The following LTBP1 variants were observed in gnomAD, a reference collection of about 807,000 sequenced individuals.
LTBP1 encodes latent-transforming growth factor beta-binding protein 1.
In LTBP1, 129 loss-of-function variants were observed where a neutral mutation model predicts 207.6. The observed-to-expected ratio is 0.62, with a 90% confidence interval of 0.54 to 0.72. The LOEUF is 0.72. Among genes scored for constraint, LTBP1 ranks in the 30% least tolerant of loss-of-function variants. The pLI is 0.00. For synonymous variants in LTBP1, 963 were observed against 833.7 expected, an observed-to-expected ratio of 1.16 and a Z score of -2.67; for missense variants, 2,281 against 2,217.2, an observed-to-expected ratio of 1.03 and a Z score of -0.58.
intron 10 of LTBP1, among the ~76,000 whole-genome samples, chr2:33,246,557 C>A (rs2092519744): frequency 6.6e-6 from 1 of 152,034 alleles, no homozygotes; most frequent in Non-Finnish European, 1.5e-5. Context: ...AGAGAGAAAA[C>A]CAGCCAGGGA....
chr2:32,974,862 G>A (rs1248037888), intron 2 of LTBP1, among the ~76,000 whole-genome samples: 5 of 152,216 alleles, frequency 3.3e-5, no homozygotes, highest in South Asian at 2.1e-4. Flanking sequence ...TAACTGAGAC[G>A]TTTAACCCAT....
At chr2:33,380,821 T>C (rs972438611) in intron 31 of LTBP1, among the ~76,000 whole-genome samples, 3 of 152,240 alleles carry the variant, frequency 2.0e-5, no homozygotes, top group African/African-American at 7.2e-5. Flanking sequence ...ACGTTGACGA[T>C]GTAATGCAAC....
At chr2:33,211,506 A>C (rs1353781034) in intron 7 of LTBP1, among the ~76,000 whole-genome samples, 1 of 152,162 alleles carries the variant, frequency 6.6e-6, no homozygotes, top group Non-Finnish European at 1.5e-5. Context: ...ACTGGCTCAG[A>C]GAGGTTGGAT....
chr2:33,190,739 A>G (rs923439105), intron 7 of LTBP1, among the ~76,000 whole-genome samples: 1 of 152,224 alleles, frequency 6.6e-6, no homozygotes, highest in Non-Finnish European at 1.5e-5. Flanking sequence ...TTAAGCAGCC[A>G]TCTACTATGA....
intron 31 of LTBP1, among the ~76,000 whole-genome samples, chr2:33,386,504 C>T (rs1052960131): frequency 2.6e-5 from 4 of 152,196 alleles, no homozygotes; most frequent in Admixed American, 2.6e-4. Context: ...GCAGGATGCT[C>T]AGCCATCTCT....
intron 24 of LTBP1, among the ~76,000 whole-genome samples, chr2:33,335,780 C>T (rs1232244115): frequency 2.0e-5 from 3 of 152,174 alleles, no homozygotes; most frequent in Non-Finnish European, 4.4e-5. Context: ...TAGCCGGCTT[C>T]CATTCCTTTC....
intron 5 of LTBP1, among the ~76,000 whole-genome samples, chr2:33,176,866 C>T (rs1205214764): frequency 6.6e-6 from 1 of 152,140 alleles, no homozygotes; most frequent in Non-Finnish European, 1.5e-5. Context: ...TTTATATGTT[C>T]TTCTCATTGC....
chr2:33,191,687 G>C (rs1005570273), intron 7 of LTBP1, among the ~76,000 whole-genome samples: 2 of 152,186 alleles, frequency 1.3e-5, no homozygotes, highest in African/African-American at 4.8e-5. Flanking sequence ...CTATAGCCAG[G>C]AGGTATAGGT....
At chr2:33,056,221 T>C (rs573116715) in intron 3 of LTBP1, 14 of 341,234 alleles carry the variant, frequency 4.1e-5, no homozygotes, top group East Asian at 3.9e-4. Context: ...GGTTTGTGGG[T>C]CGAATTGGTC....
At chr2:33,200,655 A>C (rs2089134426) in intron 7 of LTBP1, among the ~76,000 whole-genome samples, 2 of 152,204 alleles carry the variant, frequency 1.3e-5, no homozygotes, top group Non-Finnish European at 2.9e-5. Flanking sequence ...GAGCTTCTGC[A>C]CAGCAAAAGA....
chr2:32,999,818 A>G (rs576348605), intron 2 of LTBP1, among the ~76,000 whole-genome samples: 1 of 134,218 alleles, frequency 7.5e-6, no homozygotes, highest in South Asian at 2.7e-4. Context: ...GTCTAAAAAA[A>G]AAAGATCCAG....
chr2:33,256,511 G>C (rs888116186), intron 11 of LTBP1, among the ~76,000 whole-genome samples: 7 of 151,234 alleles, frequency 4.6e-5, no homozygotes, highest in African/African-American at 1.7e-4. Context: ...ATCTAACTTA[G>C]ACAAATGTCA....
chr2:33,191,421 C>T (rs182696582), intron 7 of LTBP1, among the ~76,000 whole-genome samples: 1 of 152,184 alleles, frequency 6.6e-6, no homozygotes, highest in East Asian at 1.9e-4. Flanking sequence ...TGCATGTGTA[C>T]TCACTCATAC....
At chr2:33,028,067 C>G (rs1395783806) in intron 3 of LTBP1, among the ~76,000 whole-genome samples, 1 of 152,060 alleles carries the variant, frequency 6.6e-6, no homozygotes, top group African/African-American at 2.4e-5. Flanking sequence ...GTGAGCAGCT[C>G]TTAATTTTTT....
chr2:33,050,879 G>A (rs974128047), intron 3 of LTBP1, among the ~76,000 whole-genome samples: 4 of 151,884 alleles, frequency 2.6e-5, no homozygotes, highest in Admixed American at 6.6e-5. Flanking sequence ...GATTACAGGC[G>A]GGCATCACCA....
chr2:33,203,108 A>G (rs1558807616), intron 7 of LTBP1, among the ~76,000 whole-genome samples: 1 of 152,190 alleles, frequency 6.6e-6, no homozygotes, highest in Non-Finnish European at 1.5e-5. Context: ...CTCTGTAGCC[A>G]TCCGTGCCAA....
intron 3 of LTBP1, among the ~76,000 whole-genome samples, chr2:33,064,190 A>G (rs1407518388): frequency 6.6e-6 from 1 of 152,214 alleles, no homozygotes; most frequent in Non-Finnish European, 1.5e-5. Context: ...ACATAAATGT[A>G]ATATAACTTT....
chr2:32,949,013 A>T, intron 2 of LTBP1, 68 bp downstream of exon 2: 1 of 1,484,660 alleles, frequency 6.7e-7, no homozygotes, highest in Non-Finnish European at 9.4e-7. Flanking sequence ...ACATGGGGGC[A>T]TCTCACAAGG....
intron 3 of LTBP1, among the ~76,000 whole-genome samples, chr2:33,086,883 A>G (rs2078784720): frequency 6.9e-6 from 1 of 145,168 alleles, no homozygotes; most frequent in Non-Finnish European, 1.6e-5. Context: ...TTATTTATAT[A>G]TTTATTTATT....
Sources: gnomAD v4.1 joint callset for allele counts (sites outside exome capture counted in the v4.1 genomes callset) on GRCh38, gnomAD v4.1.1 for gene constraint, MANE v1.5 for transcripts, NCBI Gene and HGNC (gene_info 2026-07-23, HGNC 2026-07-21) for gene names.